Variants in TNXB observed in about 807,000 individuals in gnomAD.
TNXB encodes tenascin XB, also known as tenascin-X.
Under a neutral mutation model 340.5 loss-of-function variants are expected in TNXB, and 183 were observed. The observed-to-expected ratio is 0.54, with a 90% CI of 0.48 to 0.61. The LOEUF (loss-of-function observed/expected upper bound fraction) is 0.61, where lower values mean the gene tolerates loss of function less well. Among genes scored for constraint, TNXB ranks in the 20% least tolerant of loss-of-function variants. The pLI, the probability that TNXB is intolerant of heterozygous loss-of-function variation, is 0.00. For missense variants in TNXB, 4,613 were observed against 5,446.4 expected (o/e 0.85, Z 4.82); for synonymous variants, 2,121 against 2,314.5 (o/e 0.92, Z 2.40).
At position 32,108,361 on chromosome 6, in the gene TNXB, CG is replaced by C. The variant is rs1345426035; in HGVS notation, c.-9+819del. Among the ~76,000 whole-genome samples the C allele has an allele frequency of 4.6e-5, 7 of 151,958 alleles. No individual in the cohort carries two copies. The highest frequency in any genetic ancestry group is 9.7e-5 in the African/African-American group (4 of 41,352). The stretch of plus-strand genomic sequence containing the variant: ...TGTCACGTGTACTGGTGGTGGGGGG[CG>C]GGGGCGGCGAGGTGAGGGAGAGTGC... On this transcript the variant is annotated intron_variant, in intron 1 of 43. Transcript: ENST00000644971. This position sits in a 1 kb window ranked among gnomAD's most constrained non-coding sequence, Gnocchi z 4.8.
At chr6:32,055,704 T>C in intron 24 of TNXB, 147 bp downstream of exon 24, 2 of 1,226,188 alleles carry the variant, frequency 1.6e-6, no homozygotes, top group Middle Eastern at 2.6e-4. Flanking sequence ...AGCCCAAACC[T>C]GTTGAACCCC....
At position 32,073,802 on chromosome 6, in the gene TNXB, T is replaced by C; in HGVS notation, c.4526A>G (p.Lys1509Arg). The change falls in exon 12 of 44, where the codon AAG becomes AGG. Residue 1509 changes from lysine to arginine, a missense_variant. Physicochemically the swap from Lys to Arg is conservative, Grantham distance 26. Transcript: ENST00000644971. The surrounding 1 kb of genome is among the most constrained non-coding windows in gnomAD (Gnocchi z 4.6). ...GQFDSFIVQY[K>R]DKDGQPQVVP... The stretch of plus-strand genomic sequence containing the variant: ...CACCTGGGGCTGCCCGTCCTTGTCC[T>C]TGTACTGGACTATGAAGGAGTCAAA... 6.2e-7 allele frequency: 1 copy of C among 1,612,880 alleles called. No homozygotes were observed. Among genetic ancestry groups the C allele is most frequent in the Non-Finnish European group, 8.5e-7 (1 of 1,179,562 alleles).
Position 32,069,569 on chromosome 6 carries a change from C to A in TNXB, c.5571G>T (p.Ser1857=). The A allele has an allele frequency of 6.3e-7, 1 of 1,577,106 alleles. No homozygotes were observed. ...CACACTCACCAGTAATGGCGACGGC[C>A]GAGATGGGGCCCACACGCTTGCCGT... The part of the protein sequence containing the change: ...LHHGKRVGPI[S]AVAITAGREE... Residue 1857 remains serine (S), a synonymous_variant, in exon 15 of 44, where the codon TCG becomes TCT. Coordinates refer to ENST00000644971, the MANE Select transcript of TNXB (RefSeq NM_001365276.2). This position sits in a 1 kb window ranked among gnomAD's most constrained non-coding sequence, Gnocchi z 6.2.
At position 32,073,706 on chromosome 6, in the gene TNXB, T is replaced by A; in HGVS notation, c.4622A>T (p.Asn1541Ile). ...TTGCCCATCATGTAGTCCATACATG[T>A]TCATCTTATATTTTCTCTCAGGCTC... ...NLEPERKYKMNMYGLHDGQRM... is the reference protein window; with the variant it reads ...NLEPERKYKMIMYGLHDGQRM... The change falls in exon 12 of 44, where the codon AAC becomes ATC. Residue 1541 changes from asparagine to isoleucine, a missense_variant. Physicochemically the swap from Asn to Ile is moderately radical, Grantham distance 149. Transcript: ENST00000644971. This position sits in a 1 kb window ranked among gnomAD's most constrained non-coding sequence, Gnocchi z 4.6. 1 of 1,611,714 alleles carries A rather than the reference T, an allele frequency of 6.2e-7. No homozygotes were observed. Among genetic ancestry groups the A allele is most frequent in the Admixed American group, 1.7e-5 (1 of 59,972 alleles).
Position 32,052,700 on chromosome 6 carries a change from C to A in TNXB, c.9085G>T (p.Val3029Leu). The A allele has an allele frequency of 6.2e-7, 1 of 1,613,632 alleles. No homozygotes were observed. The change falls in exon 26 of 44, where the codon GTG (valine) becomes TTG (leucine). Residue 3029 changes from valine (V) to leucine (L), a missense_variant. Physicochemically the swap from Val to Leu is conservative, Grantham distance 32. This residue lies in a region of TNXB where 4,327 missense variants were observed against 4,859.4 expected (regional missense o/e 0.89). Coordinates refer to ENST00000644971, the MANE Select transcript of TNXB (RefSeq NM_001365276.2). The surrounding 1 kb of genome is among the most constrained non-coding windows in gnomAD (Gnocchi z 4.7). Reference sequence around the variant, plus strand: ...ACACCCACAGCGGACACTGGGCCCACGCGCTGCCCCTCGTGGAGGCCGTAC... The same window carrying A: ...ACACCCACAGCGGACACTGGGCCCAAGCGCTGCCCCTCGTGGAGGCCGTAC... ...HLYGLHEGQRVGPVSAVGVTA... is the reference protein window; with the variant it reads ...HLYGLHEGQRLGPVSAVGVTA...
At chr6:32,078,448 A>C (rs1241940140) in intron 11 of TNXB, 5 of 87,772 alleles carry the variant, frequency 5.7e-5, no homozygotes, top group Non-Finnish European at 1.2e-4. Flanking sequence ...ACTCTGTCTC[A>C]AAAAAAAAAA....
chr6:32,058,184 G>T lies in TNXB; in HGVS notation c.7699C>A (p.Arg2567Ser). ...KDRDGRPQAV[R>S]VGGQESKVTV... ...ACCTTGCTCTCCTGGCCCCCAACAC[G>T]CACCGCCTGGGGCCGCCCGTCCCTG... is the stretch of plus-strand genomic sequence containing the variant. Residue 2567 changes from arginine (R) to serine (S), a missense_variant, in exon 22 of 44, where the codon CGT becomes AGT. Coordinates refer to ENST00000644971, the MANE Select transcript of TNXB (RefSeq NM_001365276.2). This position sits in a 1 kb window ranked among gnomAD's most constrained non-coding sequence, Gnocchi z 5.1. 6.2e-7 allele frequency: 1 copy of T among 1,612,444 alleles called. No homozygotes were observed.
At chr6:32,050,436 C>T in intron 26 of TNXB, 115 bp from the exon 27 acceptor site, 2 of 1,317,538 alleles carry the variant, frequency 1.5e-6, no homozygotes, top group South Asian at 1.4e-5. Flanking sequence ...CACAGCGCCT[C>T]CAGCACAGCT....
intron 29 of TNXB, 143 bp downstream of exon 29, chr6:32,048,220 A>C: frequency 9.6e-7 from 1 of 1,044,550 alleles, no homozygotes. Context: ...GTGGGAGAGG[A>C]GAGCTCAGGG....
intron 6 of TNXB, 58 bp downstream of exon 6, chr6:32,088,727 G>A (rs1020653942): frequency 2.0e-6 from 3 of 1,529,966 alleles, no homozygotes; most frequent in Non-Finnish European, 2.6e-6. Flanking sequence ...GGGCTCCTGA[G>A]GAGGAGGATC....
In TNXB at chr6:32,056,650, C is replaced by T. The variant is rs749439259; in HGVS notation, c.8079G>A (p.Lys2693=). The change falls in exon 23 of 44, where the codon AAG becomes AAA. Residue 2693 remains lysine (K), a synonymous_variant. Coordinates refer to ENST00000644971, the MANE Select transcript of TNXB (RefSeq NM_001365276.2). ...CACCGTGGAAGCCGTACAGGTTCAT[C>T]TTGTATTTATGGTCTGGCTCCAGGC... ...ISGLEPDHKY[K]MNLYGFHGGQ... 3.7e-6 allele frequency: 6 copies of T among 1,613,034 alleles called. No homozygotes were observed. In the East Asian group the frequency reaches 1.3e-4, roughly 36 times the overall value.
Position 32,062,454 on chromosome 6 carries a change from C to T in TNXB, c.6871G>A (p.Ala2291Thr). 2 of 1,608,550 alleles carry T rather than the reference C, an allele frequency of 1.2e-6. No homozygotes were observed. Among genetic ancestry groups the T allele is most frequent in the Non-Finnish European group, 1.7e-6 (2 of 1,176,440 alleles). Residue 2291 changes from alanine (A) to threonine (T), a missense_variant, in exon 20 of 44, where the codon GCC (alanine) becomes ACC (threonine). By Grantham distance (58) the Ala-to-Thr change is moderately conservative. Transcript: ENST00000644971. This position sits in a 1 kb window ranked among gnomAD's most constrained non-coding sequence, Gnocchi z 4.3. ...TCAGGGGTGGGAGGTTCTGTCGAGG[C>T]TGGGGCCATTTCTTCATCCTTTCCT... is the stretch of plus-strand genomic sequence containing the variant. Reference protein sequence around the residue: ...APGKDEEMAPASTEPPTPEPP... With the variant: ...APGKDEEMAPTSTEPPTPEPP...
At position 32,042,700 on chromosome 6, in the gene TNXB, C is replaced by G. The variant is rs1480036460; in HGVS notation, c.12057G>C (p.Thr4019=). 2.6e-6 allele frequency: 3 copies of G among 1,157,470 alleles called. No homozygotes were observed. Among genetic ancestry groups the G allele is most frequent in the Non-Finnish European group, 3.7e-6 (3 of 819,768 alleles). 71.7% of individuals were successfully genotyped at this position (1,157,470 alleles called of 1,614,324 possible). The part of the protein sequence containing the change: ...LLPPVSTSFT[T]GGLRIPFPRD... ...CCCCGGGCCCGTGCGTCCAGGTACC[C>G]GTGGTGAAAGAGGTGGACACGGGCG... The change falls in exon 39 of 44, where the codon ACG becomes ACC. Residue 4019 remains threonine, a splice_region_variant and synonymous_variant. Coordinates refer to ENST00000644971, the MANE Select transcript of TNXB (RefSeq NM_001365276.2).
Position 32,052,818 on chromosome 6 carries a change from C to T in TNXB, c.8967G>A (p.Arg2989=), listed in dbSNP as rs1283106547. The change falls in exon 26 of 44, where the codon AGG becomes AGA. Residue 2989 remains arginine, a synonymous_variant. Coordinates refer to ENST00000644971, the MANE Select transcript of TNXB (RefSeq NM_001365276.2). This position sits in a 1 kb window ranked among gnomAD's most constrained non-coding sequence, Gnocchi z 4.7. ...CACGCACCACCTGGGGCCGCCCGTC[C>T]CTGTCCTTGTACTGCACAGTGAAGG... ...FDSFTVQYKD[R]DGRPQVVRVR... is the part of the protein sequence containing the mutation. 20 of 1,613,580 alleles carry T rather than the reference C, an allele frequency of 1.2e-5. No homozygotes were observed. In the Admixed American group the frequency reaches 3.0e-4, roughly 24 times the overall value.
rs2151914706 is a variant in TNXB, at chr6:32,068,542, T to C, written c.6068A>G (p.Asn2023Ser). The change falls in exon 17 of 44, where the codon AAT becomes AGT. Residue 2023 changes from asparagine to serine, a missense_variant. Around this residue, in one of 7 missense-constraint regions of TNXB, gnomAD observed 4,327 missense variants for 4,859.4 expected, o/e 0.89. Transcript: ENST00000644971. The surrounding 1 kb of genome is among the most constrained non-coding windows in gnomAD (Gnocchi z 5.3). ...QFDHFLVQYR[N>S]GDGQPKAVRV... ...CACTGCCTTGGGCTGCCCATCTCCATTCCTGTACTGGACCAGGAAGTGGTC... is the reference window on the plus strand; with the variant it reads ...CACTGCCTTGGGCTGCCCATCTCCACTCCTGTACTGGACCAGGAAGTGGTC... 2 of 1,613,966 alleles carry C rather than the reference T, an allele frequency of 1.2e-6. No homozygotes were observed. Among genetic ancestry groups the C allele is most frequent in the East Asian group, 2.2e-5 (1 of 44,882 alleles).
intron 1 of TNXB, among the ~76,000 whole-genome samples, chr6:32,103,038 G>C (rs1024434208): frequency 1.1e-4 from 17 of 152,142 alleles, no homozygotes; most frequent in African/African-American, 4.1e-4. Flanking sequence ...GAAATATTTT[G>C]TATCTTAATC....
Position 32,048,597 on chromosome 6 carries a change from C to T in TNXB, c.9811G>A (p.Ala3271Thr), listed in dbSNP as rs1562787554. 2.6e-6 allele frequency: 4 copies of T among 1,511,702 alleles called. No individual in the cohort carries two copies. Among genetic ancestry groups the T allele is most frequent in the Non-Finnish European group, 2.7e-6 (3 of 1,122,622 alleles). The allele number at this position is 1,511,702 out of a possible 1,614,324, so 93.6% of individuals were successfully genotyped here. ...CCCACTGAGTCCGAGGTCACGGCCGCCACCGCCAGCTCCCCCAGGCGGGGC... is the reference window on the plus strand; with the variant it reads ...CCCACTGAGTCCGAGGTCACGGCCGTCACCGCCAGCTCCCCCAGGCGGGGC... ...VEPRLGELAV[A>T]AVTSDSVGLS... The change falls in exon 29 of 44, where the codon GCG becomes ACG. Residue 3271 changes from alanine (A) to threonine (T), a missense_variant. Ala to Thr is a moderately conservative substitution (Grantham distance 58). This residue lies in a region of TNXB where 4,327 missense variants were observed against 4,859.4 expected (regional missense o/e 0.89). Transcript: ENST00000644971.
chr6:32,087,344 G>T lies in TNXB; in HGVS notation c.2780-1226C>A, dbSNP rs771525837. On this transcript the variant is annotated intron_variant, in intron 6 of 43. Coordinates refer to ENST00000644971, the MANE Select transcript of TNXB (RefSeq NM_001365276.2). The surrounding 1 kb of genome is among the most constrained non-coding windows in gnomAD (Gnocchi z 9.0). ...TAGGTGGTGCCGGGCCTGAGGTCGG[G>T]CAGGCTGACGGTGCGCGTGGTGCCC... 1.2e-5 allele frequency: 6 copies of T among 483,258 alleles called. No homozygotes were observed. The highest frequency in any genetic ancestry group is 9.8e-5 in the African/African-American group (5 of 51,166). 29.9% of individuals were successfully genotyped at this position (483,258 alleles called of 1,614,324 possible). A position where few individuals can be genotyped will look rare whatever the true frequency, so the allele number is the denominator to read the frequency against.
Position 32,079,164 on chromosome 6 carries a change from G to A in TNXB, c.4244C>T (p.Ala1415Val), listed in dbSNP as rs770309992. The A allele has an allele frequency of 1.4e-5, 23 of 1,613,694 alleles. No homozygotes were observed. Among genetic ancestry groups the A allele is most frequent in the Middle Eastern group, 1.7e-4 (1 of 5,950 alleles). ...ACTCTCCTTGCCCCCAACACGCACC[G>A]CCCGGGGCCGCCCATCCCTGTCCTT... ...QYKDRDGRPR[A>V]VRVGGKESEV... is the part of the protein sequence containing the mutation. The change falls in exon 11 of 44, where the codon GCG becomes GTG. Residue 1415 changes from alanine (A) to valine (V), a missense_variant. This residue lies in a region of TNXB where 4,327 missense variants were observed against 4,859.4 expected (regional missense o/e 0.89). Transcript: ENST00000644971. The surrounding 1 kb of genome is among the most constrained non-coding windows in gnomAD (Gnocchi z 7.1).
Sources: allele counts gnomAD v4.1 joint callset (sites outside exome capture counted in the v4.1 genomes callset), GRCh38; gene constraint gnomAD v4.1.1; regional missense constraint gnomAD v4.1.1; non-coding constraint Gnocchi (gnomAD v3.1); transcripts MANE v1.5; gene names NCBI Gene and HGNC (gene_info 2026-07-23, HGNC 2026-07-21).